CDH19: variants seen among roughly 807,000 people sequenced by gnomAD.
CDH19 encodes the protein cadherin-19.
CDH19 carries 67 observed loss-of-function variants against 64.2 expected under a neutral mutation model. The observed-to-expected ratio is 1.04, with a 90% CI of 0.86 to 1.28. The LOEUF is 1.28. Ranked by LOEUF, CDH19 falls within the 50% of genes most tolerant of loss-of-function variation. CDH19 has a pLI of 0.00. For missense variants in CDH19, 1,030 were observed against 929.0 expected (o/e 1.11, Z -1.41); for synonymous variants, 346 against 319.3 (o/e 1.08, Z -0.89).
In CDH19 at chr18:66,572,179, A is replaced by T; in HGVS notation, c.26T>A (p.Phe9Tyr). 6.2e-7 allele frequency: 1 copy of T among 1,610,984 alleles called. No individual in the cohort carries two copies. Among genetic ancestry groups the T allele is most frequent in the Non-Finnish European group, 8.5e-7 (1 of 1,178,054 alleles). ...CCATAGGAGAGGAATTCCCAACATA[A>T]AACGCAGCAGTAAATAACAGTTCAT... MNCYLLLR[F>Y]MLGIPLLWPC... is the part of the protein sequence containing the mutation. Residue 9 changes from phenylalanine to tyrosine, a missense_variant, in exon 2 of 12, where the codon TTT becomes TAT. By Grantham distance (22) the Phe-to-Tyr change is conservative. Transcript: ENST00000262150.
intron 4 of CDH19, 41 bp downstream of exon 4, chr18:66,554,364 T>C (rs768765358): frequency 1.2e-6 from 2 of 1,603,954 alleles, no homozygotes; most frequent in African/African-American, 2.7e-5. Context: ...ATTGCCTTCT[T>C]TAGAATCATG....
rs377323948 is a variant in CDH19 at position 66,509,367 on chromosome 18, A to T, written c.1577-121T>A. On this transcript the variant is annotated intron_variant, in intron 10 of 11. Transcript: ENST00000262150. ...GATCAAGTAAGTTCAAATAAAAGGA[A>T]GACGAAATTTCTGACGAGAAGACAA... is the stretch of plus-strand genomic sequence containing the variant. The T allele has an allele frequency of 9.1e-4, 734 of 807,114 alleles. 6 individuals carry two copies. In the South Asian group the frequency reaches 0.015, roughly 17 times the overall value. The allele number at this position is 807,114 out of a possible 1,614,324, so 50.0% of individuals were successfully genotyped here. A position where few individuals can be genotyped will look rare whatever the true frequency, so the allele number is the denominator to read the frequency against.
intron 9 of CDH19, 55 bp from the exon 10 acceptor site, chr18:66,511,740 A>G (rs1985500530): frequency 1.3e-6 from 1 of 796,454 alleles, no homozygotes; most frequent in East Asian, 2.5e-5. Flanking sequence ...GAAGAAGATC[A>G]CTGCTGCTAT....
At chr18:66,542,977 C>T (rs1253395269) in intron 7 of CDH19, among the ~76,000 whole-genome samples, 1 of 152,156 alleles carries the variant, frequency 6.6e-6, no homozygotes, top group Non-Finnish European at 1.5e-5. Flanking sequence ...GCTATAAAAG[C>T]TTTCTCAATT....
intron 1 of CDH19, among the ~76,000 whole-genome samples, chr18:66,587,488 A>T (rs951229069): frequency 5.3e-5 from 8 of 151,972 alleles, no homozygotes; most frequent in Non-Finnish European, 1.2e-4. Flanking sequence ...TAAAACAAAT[A>T]AAAAAAAGAA....
intron 1 of CDH19, among the ~76,000 whole-genome samples, chr18:66,591,482 G>T (rs559750559): frequency 6.6e-6 from 1 of 151,918 alleles, no homozygotes; most frequent in Non-Finnish European, 1.5e-5. Context: ...ATGATTTTAG[G>T]TGTATACACC....
At chr18:66,544,649 C>A in intron 6 of CDH19, 70 bp downstream of exon 6, 1 of 1,055,994 alleles carries the variant, frequency 9.5e-7, no homozygotes, top group East Asian at 2.7e-5. Flanking sequence ...AAAAACTAAC[C>A]AGCTACACAA....
intron 11 of CDH19, among the ~76,000 whole-genome samples, chr18:66,507,885 C>A (rs1192335258): frequency 6.6e-6 from 1 of 151,740 alleles, no homozygotes; most frequent in East Asian, 1.9e-4. Context: ...TTAATATATT[C>A]ATCACCTTAA....
At chr18:66,532,222 C>T (rs1986473629) in intron 8 of CDH19, 1 of 151,888 alleles carries the variant, frequency 6.6e-6, no homozygotes, top group Non-Finnish European at 1.5e-5. Context: ...CCACCTTGGC[C>T]TCCTAAAGTG....
chr18:66,567,216 T>C (rs1036096591), intron 3 of CDH19, among the ~76,000 whole-genome samples: 3 of 151,862 alleles, frequency 2.0e-5, no homozygotes, highest in African/African-American at 7.2e-5. Context: ...GGAAGATTCC[T>C]AGCATGTTAC....
intron 3 of CDH19, among the ~76,000 whole-genome samples, chr18:66,562,757 G>A (rs1024492959): frequency 2.0e-5 from 3 of 152,040 alleles, no homozygotes; most frequent in African/African-American, 7.2e-5. Context: ...TATATTTGTT[G>A]TGTGTGTGAA....
intron 1 of CDH19, among the ~76,000 whole-genome samples, chr18:66,587,321 G>C (rs1197235625): frequency 3.9e-5 from 6 of 151,998 alleles, no homozygotes; most frequent in Non-Finnish European, 8.8e-5. Context: ...AACTGGTGCT[G>C]GTTACTCCAG....
chr18:66,541,397 G>C (rs1469043348), intron 7 of CDH19, among the ~76,000 whole-genome samples: 1 of 152,030 alleles, frequency 6.6e-6, no homozygotes, highest in African/African-American at 2.4e-5. Flanking sequence ...TTAAAGAAGA[G>C]ATATTATCAA....
At chr18:66,521,891 T>C (rs1316713865) in intron 9 of CDH19, among the ~76,000 whole-genome samples, 1 of 149,912 alleles carries the variant, frequency 6.7e-6, no homozygotes, top group African/African-American at 2.4e-5. Context: ...GCCAAAAAGT[T>C]ACAGGGTTTA....
intron 9 of CDH19, among the ~76,000 whole-genome samples, chr18:66,514,390 T>G (rs956388468): frequency 1.3e-5 from 2 of 151,268 alleles, no homozygotes; most frequent in African/African-American, 2.4e-5. Context: ...AAAATAATGG[T>G]TAAAAATAGA....
rs1276593665 is a variant in CDH19 at position 66,524,569 on chromosome 18, T to TATATATATATATATAG, written c.1458+5275_1458+5276insCTATATATATATATAT. On this transcript the variant is annotated intron_variant, in intron 9 of 11. Coordinates refer to ENST00000262150, the MANE Select transcript of CDH19 (RefSeq NM_021153.4). ...ATATATATATATATATATATATATA[T>TATATATATATATATAG]AAACATCATCATGCACCATAAATAT... Among the ~76,000 whole-genome samples, 2 of 135,164 alleles carry TATATATATATATATAG rather than the reference T, an allele frequency of 1.5e-5. 1 individual carries two copies. The highest frequency in any genetic ancestry group is 5.0e-4 in the South Asian group (2 of 4,000). 88.7% of individuals were successfully genotyped at this position (135,164 alleles called of 152,430 possible).
chr18:66,586,024 G>A (rs1201804888), intron 1 of CDH19, among the ~76,000 whole-genome samples: 1 of 151,980 alleles, frequency 6.6e-6, no homozygotes, highest in Non-Finnish European at 1.5e-5. Flanking sequence ...ATTAGAAATT[G>A]TCTTTTCTAT....
chr18:66,513,870 C>T (rs1428478700), intron 9 of CDH19, among the ~76,000 whole-genome samples: 2 of 151,298 alleles, frequency 1.3e-5, no homozygotes, highest in African/African-American at 2.4e-5. Context: ...ATTCTTTTTG[C>T]TCTCTACGTA....
At chr18:66,576,652 T>A (rs940041977) in intron 1 of CDH19, among the ~76,000 whole-genome samples, 1 of 151,628 alleles carries the variant, frequency 6.6e-6, no homozygotes, top group African/African-American at 2.4e-5. Flanking sequence ...TAAAACCTTA[T>A]TGTATTACAA....
Sources: allele counts gnomAD v4.1 joint callset (sites outside exome capture counted in the v4.1 genomes callset), GRCh38; gene constraint gnomAD v4.1.1; transcripts MANE v1.5; gene names NCBI Gene and HGNC (gene_info 2026-07-23, HGNC 2026-07-21).